The following MACROD2 variants were observed in gnomAD, a reference collection of about 807,000 sequenced individuals.
MACROD2 encodes the protein mono-ADP ribosylhydrolase 2, also known as ADP-ribose glycohydrolase MACROD2.
MACROD2 carries 36 observed loss-of-function variants against 70.4 expected under a neutral mutation model. The observed-to-expected ratio is 0.51, with a 90% CI of 0.39 to 0.68. MACROD2 has a LOEUF of 0.68. Among genes scored for constraint, MACROD2 ranks in the 30% least tolerant of loss-of-function variants. The pLI, the probability that MACROD2 is intolerant of heterozygous loss-of-function variation, is 0.00. For synonymous variants in MACROD2, 172 were observed against 178.8 expected, an observed-to-expected ratio of 0.96 and a Z score of 0.30; for missense variants, 496 against 538.4, an observed-to-expected ratio of 0.92 and a Z score of 0.78.
chr20:15,837,016 A>AT (rs962417859), intron 8 of MACROD2, among the ~76,000 whole-genome samples: 45 of 152,176 alleles, frequency 3.0e-4, no homozygotes, highest in African/African-American at 8.7e-4. Flanking sequence ...TAAGGATAAC[A>AT]TTTTTTTCTT....
At chr20:14,648,433 T>G (rs960192767) in intron 4 of MACROD2, among the ~76,000 whole-genome samples, 1 of 152,176 alleles carries the variant, frequency 6.6e-6, no homozygotes, top group South Asian at 2.1e-4. Flanking sequence ...AATCTCTGTA[T>G]TAATTTGGAA....
chr20:15,223,237 G>T (rs903550261), intron 5 of MACROD2, among the ~76,000 whole-genome samples: 1 of 152,262 alleles, frequency 6.6e-6, no homozygotes, highest in African/African-American at 2.4e-5. Context: ...CATTTGAAAT[G>T]CTGATTAAAT....
At chr20:15,212,200 A>G (rs530275423) in intron 5 of MACROD2, among the ~76,000 whole-genome samples, 1 of 152,306 alleles carries the variant, frequency 6.6e-6, no homozygotes, top group South Asian at 2.1e-4. Flanking sequence ...CCTTAAATCT[A>G]TTAAAAGACA....
intron 5 of MACROD2, among the ~76,000 whole-genome samples, chr20:14,971,468 T>A (rs1041195410): frequency 2.7e-4 from 41 of 152,224 alleles, no homozygotes; most frequent in African/African-American, 9.6e-4. Context: ...GACTCTGAAT[T>A]ACTTATTCTC....
chr20:14,345,983 A>G (rs2083059542), intron 3 of MACROD2, among the ~76,000 whole-genome samples: 1 of 150,242 alleles, frequency 6.7e-6, no homozygotes, highest in Non-Finnish European at 1.5e-5. Flanking sequence ...AGTCCCAGCT[A>G]CTTGGGAGGC....
At chr20:14,949,151 A>G (rs1464653048) in intron 5 of MACROD2, among the ~76,000 whole-genome samples, 1 of 152,192 alleles carries the variant, frequency 6.6e-6, no homozygotes, top group Non-Finnish European at 1.5e-5. Context: ...CCCCAGCCAT[A>G]CATTTAACCA....
chr20:14,218,320 T>C (rs1345638053), intron 3 of MACROD2, among the ~76,000 whole-genome samples: 1 of 152,210 alleles, frequency 6.6e-6, no homozygotes, highest in Non-Finnish European at 1.5e-5. Flanking sequence ...TTGTCTGATA[T>C]AAGAATAGCT....
chr20:14,263,972 A>AACACAC (rs71190124), intron 3 of MACROD2, among the ~76,000 whole-genome samples: 29 of 127,190 alleles, frequency 2.3e-4, no homozygotes, highest in Middle Eastern at 4.0e-3. Flanking sequence ...ACCCTATCTA[A>AACACAC]ACACACACAC....
At chr20:14,755,262 T>C (rs204095) in intron 5 of MACROD2, among the ~76,000 whole-genome samples, 11,118 of 152,068 alleles carry the variant, frequency 0.073, 485 homozygotes, top group Middle Eastern at 0.22. Context: ...TTAGCCATGT[T>C]CTCACCACTC....
At chr20:14,047,946 A>G (rs1388136307) in intron 2 of MACROD2, among the ~76,000 whole-genome samples, 1 of 152,172 alleles carries the variant, frequency 6.6e-6, no homozygotes, top group African/African-American at 2.4e-5. Flanking sequence ...TCAAAAGAAA[A>G]TGAAGTTCCC....
rs377275817 is a variant in MACROD2 at position 14,784,045 on chromosome 20, G to A, written c.418+99086G>A. Among the ~76,000 whole-genome samples, 5 of 152,036 alleles carry A rather than the reference G, an allele frequency of 3.3e-5. No individual in the cohort carries two copies. In the East Asian group the frequency reaches 5.8e-4, roughly 18 times the overall value. On this transcript the variant is annotated intron_variant, in intron 5 of 17. Coordinates refer to ENST00000684519, the MANE Select transcript of MACROD2 (RefSeq NM_001351661.2). ...CAGTCAGGCCTAAGGGCTCTGAGAT[G>A]GTAAAGGCAGGGGGATGTGGGTGAT...
chr20:15,928,066 C>T (rs1003959268), intron 10 of MACROD2, among the ~76,000 whole-genome samples: 2 of 152,148 alleles, frequency 1.3e-5, no homozygotes, highest in Non-Finnish European at 2.9e-5. Flanking sequence ...TGATCTGTAG[C>T]TTAGATAGCA....
intron 8 of MACROD2, among the ~76,000 whole-genome samples, chr20:15,502,795 A>G (rs1481430357): frequency 1.3e-5 from 2 of 152,214 alleles, no homozygotes; most frequent in Non-Finnish European, 2.9e-5. Flanking sequence ...AAATCTTGGT[A>G]TCACAAACAG....
chr20:15,622,195 T>C (rs1016994206), intron 8 of MACROD2, among the ~76,000 whole-genome samples: 1 of 152,246 alleles, frequency 6.6e-6, no homozygotes, highest in Non-Finnish European at 1.5e-5. Context: ...ATAGTCTCAT[T>C]GTTCTGATGA....
At chr20:14,670,734 A>G (rs576263260) in intron 4 of MACROD2, among the ~76,000 whole-genome samples, 19 of 152,168 alleles carry the variant, frequency 1.2e-4, no homozygotes, top group Non-Finnish European at 2.8e-4. Flanking sequence ...GTTTTCTCTC[A>G]TTGAATGAGA....
intron 4 of MACROD2, among the ~76,000 whole-genome samples, chr20:14,677,279 A>G (rs1027548822): frequency 5.3e-5 from 8 of 152,202 alleles, no homozygotes; most frequent in African/African-American, 1.7e-4. Context: ...AGACTATTCT[A>G]TAATAACATC....
chr20:14,618,680 T>C (rs1983624203), intron 4 of MACROD2, among the ~76,000 whole-genome samples: 1 of 152,136 alleles, frequency 6.6e-6, no homozygotes, highest in African/African-American at 2.4e-5. Flanking sequence ...ACTTGCACTA[T>C]GCAGCTCTCC....
At chr20:15,211,692 A>G (rs2076765339) in intron 5 of MACROD2, among the ~76,000 whole-genome samples, 2 of 152,018 alleles carry the variant, frequency 1.3e-5, no homozygotes, top group Admixed American at 6.6e-5. Flanking sequence ...GTCCCTCACC[A>G]GAAGCAGATG....
chr20:15,795,716 G>A (rs145207379), intron 8 of MACROD2, among the ~76,000 whole-genome samples: 172 of 152,284 alleles, frequency 1.1e-3, no homozygotes, highest in Admixed American at 2.4e-3. Context: ...GAATACATTT[G>A]CATGGCATTA....
Sources: gnomAD v4.1 joint callset for allele counts (sites outside exome capture counted in the v4.1 genomes callset) on GRCh38, gnomAD v4.1.1 for gene constraint, MANE v1.5 for transcripts, NCBI Gene and HGNC (gene_info 2026-07-23, HGNC 2026-07-21) for gene names.